The following LBHD1 variants were observed in gnomAD, a reference collection of about 807,000 sequenced individuals.
LBHD1 encodes the protein LBH domain containing 1, also known as LBH domain-containing protein 1.
Under a neutral mutation model 31.1 loss-of-function variants are expected in LBHD1, and 28 were observed. The ratio of observed to expected loss-of-function variants is 0.90; its 90% CI spans 0.67 to 1.24. The LOEUF (loss-of-function observed/expected upper bound fraction) is 1.24. Among genes scored for constraint, LBHD1 ranks in the 50% most tolerant of loss-of-function variants. The probability of loss-of-function intolerance (pLI) is 0.00; values close to 1 mark genes in which losing one functional copy is unlikely to be tolerated. For synonymous variants in LBHD1, 105 were observed against 116.5 expected, an observed-to-expected ratio of 0.90 and a Z score of 0.63; for missense variants, 350 against 323.0, an observed-to-expected ratio of 1.08 and a Z score of -0.64.
In LBHD1 at chr11:62,671,992, G is replaced by C. The variant is rs1385255357; in HGVS notation, c.-439C>G. The stretch of plus-strand genomic sequence containing the variant: ...GGACCCAAGGAGCAGGGAGGAGGCG[G>C]CCAGGACCCAGCAGCTATTGCTGGC... On this transcript the variant is annotated 5_prime_UTR_variant, in exon 1 of 7. Transcript: ENST00000354588. 1 of 1,613,894 alleles carries C rather than the reference G, an allele frequency of 6.2e-7. No homozygotes were observed. The highest frequency in any genetic ancestry group is 1.1e-5 in the South Asian group (1 of 91,066).
Position 62,671,669 on chromosome 11 carries a change from G to A in LBHD1, c.-116C>T, listed in dbSNP as rs965271322. 5.7e-6 allele frequency: 9 copies of A among 1,589,944 alleles called. No individual in the cohort carries two copies. The highest frequency in any genetic ancestry group is 2.2e-5 in the East Asian group (1 of 44,658). On this transcript the variant is annotated 5_prime_UTR_variant, in exon 1 of 7. Coordinates refer to ENST00000354588, the MANE Select transcript of LBHD1 (RefSeq NM_024099.5). Reference sequence around the variant, plus strand: ...ATAGGGCGCTCTAGCCTGCGCCAAGGGGTAGTGAGACCGCGCGGCAACAGC... The same window carrying A: ...ATAGGGCGCTCTAGCCTGCGCCAAGAGGTAGTGAGACCGCGCGGCAACAGC...
intron 5 of LBHD1, among the ~76,000 whole-genome samples, chr11:62,663,586 CG>C (rs1944711600): frequency 1.3e-5 from 2 of 150,922 alleles, no homozygotes; most frequent in Admixed American, 6.6e-5. Flanking sequence ...CCCAGCTACT[CG>C]GGAGGCTGCG....
In LBHD1 at chr11:62,667,708, C is replaced by T. The variant is rs748316573; in HGVS notation, c.353G>A (p.Arg118Lys). 2 of 1,613,840 alleles carry T rather than the reference C, an allele frequency of 1.2e-6. No homozygotes were observed. The highest frequency in any genetic ancestry group is 1.1e-5 in the South Asian group (1 of 91,074). Reference protein sequence around the residue: ...WSPQDPRSPLRTFNAGLSWGQ... With the variant: ...WSPQDPRSPLKTFNAGLSWGQ... ...CCAGCTGAGTCCAGCGTTAAATGTTCTTAAAGGACTTCTAGGGTCCTGTGG... is the reference window on the plus strand; with the variant it reads ...CCAGCTGAGTCCAGCGTTAAATGTTTTTAAAGGACTTCTAGGGTCCTGTGG... The change falls in exon 4 of 7, where the codon AGA (arginine) becomes AAA (lysine). Residue 118 changes from arginine to lysine, a missense_variant. By Grantham distance (26) the Arg-to-Lys change is conservative. Transcript: ENST00000354588.
chr11:62,666,887 GTTCTA>G, intron 4 of LBHD1: 1 of 1,614,152 alleles, frequency 6.2e-7, no homozygotes, highest in South Asian at 1.1e-5. Context: ...ATGCTTGAGG[GTTCTA>G]AACCCTCAGG....
At chr11:62,666,132 G>T in intron 4 of LBHD1, 1 of 790,966 alleles carries the variant, frequency 1.3e-6, no homozygotes, top group Middle Eastern at 3.7e-4. Context: ...CAGATCGCTT[G>T]GCCCAGGAGT....
At chr11:62,666,608 T>C (rs747167884) in intron 4 of LBHD1, 10 of 1,614,166 alleles carry the variant, frequency 6.2e-6, no homozygotes, top group South Asian at 2.2e-5. Flanking sequence ...TACAGGCCTC[T>C]ACACCAAATC....
chr11:62,667,502 G>C (rs781071897), intron 4 of LBHD1, 21 bp downstream of exon 4: 10 of 1,604,226 alleles, frequency 6.2e-6, no homozygotes, highest in Non-Finnish European at 7.7e-6. Context: ...AGATATTTGA[G>C]GGGGAGGGAA....
rs1279223042 is a variant in LBHD1 at position 62,667,671 on chromosome 11, C to G, written c.390G>C (p.Gln130His). ...FNAGLSWGQD[Q>H]DEEDACWILE... is the part of the protein sequence containing the mutation. ...GAATCCAACAAGCATCTTCTTCATC[C>G]TGGTCCTGCCCCCAGCTGAGTCCAG... Residue 130 changes from glutamine (Q) to histidine (H), a missense_variant, in exon 4 of 7, where the codon CAG (glutamine) becomes CAC (histidine). Physicochemically the swap from Gln to His is conservative, Grantham distance 24. Coordinates refer to ENST00000354588, the MANE Select transcript of LBHD1 (RefSeq NM_024099.5). 8.1e-6 allele frequency: 13 copies of G among 1,614,050 alleles called. No individual in the cohort carries two copies. Among genetic ancestry groups the G allele is most frequent in the Non-Finnish European group, 8.5e-6 (10 of 1,180,038 alleles).
At chr11:62,669,144 T>A (rs531253175) in intron 3 of LBHD1, among the ~76,000 whole-genome samples, 1 of 152,172 alleles carries the variant, frequency 6.6e-6, no homozygotes, top group Non-Finnish European at 1.5e-5. Flanking sequence ...ATGGTCTCGA[T>A]CTCCTGACCT....
At chr11:62,665,494 C>T (rs780214243) in intron 4 of LBHD1, 14 of 1,574,626 alleles carry the variant, frequency 8.9e-6, no homozygotes, top group Non-Finnish European at 9.4e-6. Flanking sequence ...GGAAAGGGCT[C>T]TGGCCCCCTC....
chr11:62,668,172 C>A, intron 3 of LBHD1: 1 of 175,728 alleles, frequency 5.7e-6, no homozygotes, highest in South Asian at 1.2e-4. Flanking sequence ...TTCTGAAAAT[C>A]ATGAAGTAAA....
At chr11:62,665,769 C>T (rs1944790536) in intron 4 of LBHD1, 3 of 1,526,108 alleles carry the variant, frequency 2.0e-6, no homozygotes, top group Non-Finnish European at 2.6e-6. Flanking sequence ...TGTACGCCGC[C>T]TTTCGCTACG....
Position 62,665,070 on chromosome 11 carries a change from T to C in LBHD1, c.539-97A>G, listed in dbSNP as rs1417692508. On this transcript the variant is annotated intron_variant, in intron 4 of 6. Transcript: ENST00000354588. ...CCGGCCCCTCACTGATCCCATCTCG[T>C]GCGAGATAAAAGGGCTCAGGAACGC... 3 of 1,552,184 alleles carry C rather than the reference T, an allele frequency of 1.9e-6. No individual in the cohort carries two copies. In the African/African-American group the frequency reaches 4.1e-5, roughly 21 times the overall value.
At chr11:62,665,379 G>A (rs1334500077) in intron 4 of LBHD1, 23 of 1,087,160 alleles carry the variant, frequency 2.1e-5, no homozygotes, top group Non-Finnish European at 3.0e-5. Flanking sequence ...GGCCGGGAGT[G>A]GTGGGGGTGC....
rs376468053 is a variant in LBHD1, at chr11:62,664,932, A to G, written c.580T>C (p.Ser194Pro). ...EAVQTPAGVE[S>P]GAASEAPGGR... is the part of the protein sequence containing the mutation. The stretch of plus-strand genomic sequence containing the variant: ...CCCGGTGCCTCAGACGCCGCTCCCG[A>G]TTCAACACCCGCCGGCGTTTGAACA... Residue 194 changes from serine to proline, a missense_variant, in exon 5 of 7, where the codon TCG becomes CCG. Physicochemically the swap from Ser to Pro is moderately conservative, Grantham distance 74. Coordinates refer to ENST00000354588, the MANE Select transcript of LBHD1 (RefSeq NM_024099.5). 7 of 1,607,946 alleles carry G rather than the reference A, an allele frequency of 4.4e-6. No individual in the cohort carries two copies. The highest frequency in any genetic ancestry group is 1.1e-5 in the South Asian group (1 of 90,176).
chr11:62,667,411 C>G, intron 4 of LBHD1, 112 bp downstream of exon 4: 2 of 1,124,330 alleles, frequency 1.8e-6, no homozygotes, highest in South Asian at 2.6e-5. Flanking sequence ...ATCTAGTGGC[C>G]TAACCTGTAA....
rs766022997 is a variant in LBHD1 at position 62,666,579 on chromosome 11, G to A, written c.538+944C>T. On this transcript the variant is annotated intron_variant, in intron 4 of 6. Coordinates refer to ENST00000354588, the MANE Select transcript of LBHD1 (RefSeq NM_024099.5). ...CCTCTGCGAGTGCTGGATGTGGGCT[G>A]TGGGACTTCCAGCCTATGTACAGGC... The A allele has an allele frequency of 2.5e-6, 4 of 1,614,212 alleles. No individual in the cohort carries two copies. The South Asian group carries it at 4.4e-5, about 18-fold the overall frequency.
intron 4 of LBHD1, chr11:62,666,249 T>G (rs1408979861): frequency 4.7e-6 from 4 of 849,954 alleles, no homozygotes; most frequent in Non-Finnish European, 7.6e-6. Context: ...GGTGGAGGCT[T>G]CAGTGAGCCA....
At chr11:62,665,504 C>T in intron 4 of LBHD1, 2 of 1,573,026 alleles carry the variant, frequency 1.3e-6, no homozygotes, top group African/African-American at 1.3e-5. Context: ...CTGGCCCCCT[C>T]GGCGTCATGT....
Sources: gnomAD v4.1 joint callset for allele counts (sites outside exome capture counted in the v4.1 genomes callset) on GRCh38, gnomAD v4.1.1 for gene constraint, MANE v1.5 for transcripts, NCBI Gene and HGNC (gene_info 2026-07-23, HGNC 2026-07-21) for gene names.